The following SH2D2A variants were observed in gnomAD, a reference collection of about 807,000 sequenced individuals.
SH2D2A encodes SH2 domain-containing protein 2A.
In SH2D2A, 33 loss-of-function variants were observed where a neutral mutation model predicts 43.6. The observed-to-expected ratio is 0.76, with a 90% CI of 0.57 to 1.01. The LOEUF (loss-of-function observed/expected upper bound fraction) is 1.01. Ranked by LOEUF, SH2D2A falls within the 50% of genes least tolerant of loss-of-function variation. The pLI is 0.00. For synonymous variants in SH2D2A, 212 were observed against 206.1 expected (o/e 1.03, Z -0.25); for missense variants, 491 against 503.1 (o/e 0.98, Z 0.23).
Position 156,808,805 on chromosome 1 carries a change from C to G in SH2D2A, c.1002+398G>C, listed in dbSNP as rs562426831. Among the ~76,000 whole-genome samples the G allele has an allele frequency of 2.0e-5, 3 of 152,252 alleles. No individual in the cohort carries two copies. The East Asian group carries it at 5.8e-4, about 29-fold the overall frequency. The stretch of plus-strand genomic sequence containing the variant: ...CTCTTTTTCTCCAGGACAGCAGGGC[C>G]GTGAAGGCCAAGGGAGAGAGCCAGA... On this transcript the variant is annotated intron_variant, in intron 7 of 8. Transcript: ENST00000368199.
In SH2D2A at chr1:156,809,820, AAGG is replaced by A. The variant is rs1335752474; in HGVS notation, c.568-16_568-14del. 6.2e-7 allele frequency: 1 copy of A among 1,613,370 alleles called. No homozygotes were observed. The highest frequency in any genetic ancestry group is 1.1e-5 in the South Asian group (1 of 91,006). ...CAGGCTCAGGAGTCTGCTGGGAAAG[AAGG>A]AGGTCTGAGGCACTCGGTGGAGCGT... On this transcript the variant is annotated splice_polypyrimidine_tract_variant and intron_variant, in intron 5 of 8. Coordinates refer to ENST00000368199, the MANE Select transcript of SH2D2A (RefSeq NM_003975.4). The surrounding 1 kb of genome is among the most constrained non-coding windows in gnomAD (Gnocchi z 4.8).
rs374787234 is a variant in SH2D2A at position 156,809,720 on chromosome 1, T to C, written c.655A>G (p.Ile219Val). 3.1e-5 allele frequency: 50 copies of C among 1,613,696 alleles called. No homozygotes were observed. The highest frequency in any genetic ancestry group is 3.6e-5 in the Non-Finnish European group (43 of 1,179,920). The change falls in exon 6 of 9, where the codon ATC (isoleucine) becomes GTC (valine). Residue 219 changes from isoleucine to valine, a missense_variant. Coordinates refer to ENST00000368199, the MANE Select transcript of SH2D2A (RefSeq NM_003975.4). The surrounding 1 kb of genome is among the most constrained non-coding windows in gnomAD (Gnocchi z 4.8). The stretch of plus-strand genomic sequence containing the variant: ...ACTGGGGCTTGCCCCTGTTTGATGA[T>C]TGGGCTGTACTGGGGGTTTGGGTCC... Reference protein sequence around the residue: ...SQDPNPQYSPIIKQGQAPVPM... With the variant: ...SQDPNPQYSPVIKQGQAPVPM...
rs1653990875 is a variant in SH2D2A at position 156,816,787 on chromosome 1, A to C, written c.-79T>G. 7.5e-7 allele frequency: 1 copy of C among 1,339,460 alleles called. No homozygotes were observed. Among genetic ancestry groups the C allele is most frequent in the African/African-American group, 1.5e-5 (1 of 66,440 alleles). 83.0% of individuals were successfully genotyped at this position (1,339,460 alleles called of 1,614,324 possible). A position where few individuals can be genotyped will look rare whatever the true frequency, so the allele number is the denominator to read the frequency against. On this transcript the variant is annotated 5_prime_UTR_variant, in exon 1 of 9. An upstream start codon of the reference 5' UTR is lost. Transcript: ENST00000368199. Reference sequence around the variant, plus strand: ...AGGTGTGCACACTCAGCAACTCATCATCTCTCCTCTCACCCTGGCCCCGGG... The same window carrying C: ...AGGTGTGCACACTCAGCAACTCATCCTCTCTCCTCTCACCCTGGCCCCGGG...
chr1:156,814,832 C>A, intron 3 of SH2D2A: 2 of 451,048 alleles, frequency 4.4e-6, no homozygotes, highest in East Asian at 6.9e-5. Flanking sequence ...GAGGGCTGGA[C>A]TGGAGCCTCT....
intron 5 of SH2D2A, among the ~76,000 whole-genome samples, chr1:156,811,634 C>T (rs1051539178): frequency 7.9e-5 from 12 of 152,214 alleles, no homozygotes; most frequent in Non-Finnish European, 1.5e-4. Flanking sequence ...CTCTTCTTGT[C>T]TAGGTCACCA....
At chr1:156,816,140 T>C (rs1377624612) in intron 1 of SH2D2A, 46 bp from the exon 2 acceptor site, 1 of 1,568,630 alleles carries the variant, frequency 6.4e-7, no homozygotes, top group South Asian at 1.2e-5. Context: ...AGAGGAACTA[T>C]GTCTGTCTCT....
chr1:156,809,253 C>G lies in SH2D2A; in HGVS notation c.952G>C (p.Gly318Arg). The change falls in exon 7 of 9, where the codon GGG (glycine) becomes CGG (arginine). Residue 318 changes from glycine (G) to arginine (R), a missense_variant. By Grantham distance (125) the Gly-to-Arg change is moderately radical (BLOSUM62 -2). Coordinates refer to ENST00000368199, the MANE Select transcript of SH2D2A (RefSeq NM_003975.4). This position sits in a 1 kb window ranked among gnomAD's most constrained non-coding sequence, Gnocchi z 4.8. ...VEDEGLPATL[G>R]HPVLRKSWSR... The stretch of plus-strand genomic sequence containing the variant: ...CAGCTCTTCCGTAGGACAGGGTGCC[C>G]AAGGGTGGCGGGTAGGCCCTCATCT... 1 of 1,613,996 alleles carries G rather than the reference C, an allele frequency of 6.2e-7. No homozygotes were observed. The highest frequency in any genetic ancestry group is 8.5e-7 in the Non-Finnish European group (1 of 1,179,916).
chr1:156,816,115 G>A, intron 1 of SH2D2A, 21 bp from the exon 2 acceptor site: 1 of 1,603,332 alleles, frequency 6.2e-7, no homozygotes, highest in Admixed American at 1.7e-5. Flanking sequence ...AAAGAGGGCT[G>A]CCGGGGTTTC....
Position 156,815,494 on chromosome 1 carries a change from G to T in SH2D2A, c.124-273C>A, listed in dbSNP as rs896788698. 3 of 592,442 alleles carry T rather than the reference G, an allele frequency of 5.1e-6. No homozygotes were observed. The South Asian group carries it at 6.2e-5, about 12-fold the overall frequency. The allele number at this position is 592,442 out of a possible 1,614,324, so 36.7% of individuals were successfully genotyped here. On this transcript the variant is annotated intron_variant, in intron 2 of 8. Transcript: ENST00000368199. ...AGCTGTCACACTGTGCTCTAGGAGGGGCGGGAAAGGCAGCACAGCCTTCCA... is the reference window on the plus strand; with the variant it reads ...AGCTGTCACACTGTGCTCTAGGAGGTGCGGGAAAGGCAGCACAGCCTTCCA...
Position 156,809,732 on chromosome 1 carries a change from G to T in SH2D2A, c.643C>A (p.Gln215Lys). The change falls in exon 6 of 9, where the codon CAG becomes AAG. Residue 215 changes from glutamine (Q) to lysine (K), a missense_variant. Coordinates refer to ENST00000368199, the MANE Select transcript of SH2D2A (RefSeq NM_003975.4). The surrounding 1 kb of genome is among the most constrained non-coding windows in gnomAD (Gnocchi z 4.8). ...FGSKSQDPNP[Q>K]YSPIIKQGQA... ...CCCTGTTTGATGATTGGGCTGTACT[G>T]GGGGTTTGGGTCCTGGCTTTTGCTT... The T allele has an allele frequency of 6.2e-7, 1 of 1,614,014 alleles. No individual in the cohort carries two copies. Among genetic ancestry groups the T allele is most frequent in the Non-Finnish European group, 8.5e-7 (1 of 1,179,964 alleles).
At position 156,809,618 on chromosome 1, in the gene SH2D2A, G is replaced by C; in HGVS notation, c.714+43C>G. Reference sequence around the variant, plus strand: ...TCCTCCCCGCTGCCTGCACCCCCTCGCAGGCCTGTCCTCCCACTCCCTCAG... The same window carrying C: ...TCCTCCCCGCTGCCTGCACCCCCTCCCAGGCCTGTCCTCCCACTCCCTCAG... On this transcript the variant is annotated intron_variant, in intron 6 of 8. Coordinates refer to ENST00000368199, the MANE Select transcript of SH2D2A (RefSeq NM_003975.4). This position sits in a 1 kb window ranked among gnomAD's most constrained non-coding sequence, Gnocchi z 4.8. 1.9e-6 allele frequency: 3 copies of C among 1,579,244 alleles called. No individual in the cohort carries two copies. Among genetic ancestry groups the C allele is most frequent in the Middle Eastern group, 1.9e-4 (1 of 5,278 alleles).
At position 156,813,744 on chromosome 1, in the gene SH2D2A, C is replaced by T. The variant is rs1571619683; in HGVS notation, c.567+104G>A. 3.5e-6 allele frequency: 4 copies of T among 1,139,234 alleles called. No homozygotes were observed. In the Admixed American group the frequency reaches 1.5e-4, roughly 42 times the overall value. 70.6% of individuals were successfully genotyped at this position (1,139,234 alleles called of 1,614,324 possible). A position where few individuals can be genotyped will look rare whatever the true frequency, so the allele number is the denominator to read the frequency against. ...AGGGAGGCATGCCCGAGTGGTGTTT[C>T]GGGATGAGAAAGTGCCTGGTGCCGC... On this transcript the variant is annotated intron_variant, in intron 5 of 8. Coordinates refer to ENST00000368199, the MANE Select transcript of SH2D2A (RefSeq NM_003975.4).
intron 5 of SH2D2A, among the ~76,000 whole-genome samples, chr1:156,811,907 G>T (rs2102804003): frequency 6.6e-6 from 1 of 152,178 alleles, no homozygotes; most frequent in Middle Eastern, 3.4e-3. Flanking sequence ...GTCCATCTAA[G>T]TGCTGGTGAC....
chr1:156,809,125 T>C lies in SH2D2A; in HGVS notation c.1002+78A>G. On this transcript the variant is annotated intron_variant, in intron 7 of 8. Coordinates refer to ENST00000368199, the MANE Select transcript of SH2D2A (RefSeq NM_003975.4). This position sits in a 1 kb window ranked among gnomAD's most constrained non-coding sequence, Gnocchi z 4.8. ...CTTACCCTGCCCCAGGCATCCACTC[T>C]GAACACCTTCTTCACCTTCCCCCAT... 1.4e-6 allele frequency: 2 copies of C among 1,471,952 alleles called. No homozygotes were observed. The highest frequency in any genetic ancestry group is 1.3e-5 in the South Asian group (1 of 76,746). 91.2% of individuals were successfully genotyped at this position (1,471,952 alleles called of 1,614,324 possible).
In SH2D2A at chr1:156,815,043, G is replaced by T; in HGVS notation, c.302C>A (p.Thr101Asn). ...AAPAWFHGFI[T>N]RREAERLLEP... Reference sequence around the variant, plus strand: ...TTCCTCCTCCATGACTCACCTCCGGGTGATGAAGCCATGGAACCAGGCAGG... The same window carrying T: ...TTCCTCCTCCATGACTCACCTCCGGTTGATGAAGCCATGGAACCAGGCAGG... The change falls in exon 3 of 9, where the codon ACC becomes AAC. Residue 101 changes from threonine (T) to asparagine (N), a missense_variant. Physicochemically the swap from Thr to Asn is moderately conservative, Grantham distance 65. Coordinates refer to ENST00000368199, the MANE Select transcript of SH2D2A (RefSeq NM_003975.4). 6.4e-7 allele frequency: 1 copy of T among 1,551,844 alleles called. No homozygotes were observed.
intron 1 of SH2D2A, among the ~76,000 whole-genome samples, 174 bp downstream of exon 1, chr1:156,816,501 A>C (rs1653948860): frequency 6.6e-6 from 1 of 152,214 alleles, no homozygotes; most frequent in Non-Finnish European, 1.5e-5. Context: ...CTCAGGGATG[A>C]GTGGGCATGG....
Position 156,807,225 on chromosome 1 carries a change from G to A in SH2D2A, c.1123C>T (p.Leu375Phe), listed in dbSNP as rs200276932. The A allele has an allele frequency of 1.4e-6, 2 of 1,384,578 alleles. No homozygotes were observed. The highest frequency in any genetic ancestry group is 1.9e-6 in the Non-Finnish European group (2 of 1,037,814). 85.8% of individuals were successfully genotyped at this position (1,384,578 alleles called of 1,614,324 possible). Residue 375 changes from leucine to phenylalanine, a missense_variant, in exon 8 of 9, where the codon CTT (leucine) becomes TTT (phenylalanine). Coordinates refer to ENST00000368199, the MANE Select transcript of SH2D2A (RefSeq NM_003975.4). This position sits in a 1 kb window ranked among gnomAD's most constrained non-coding sequence, Gnocchi z 5.1. ...AGCCATGCCTGTCCTCTGTCCTGAA[G>A]CACCTGTCTAGAAAGATTGTGGGGG... is the stretch of plus-strand genomic sequence containing the variant. ...TLPHNLSRQV[L>F]QDRGQAWLPL...
rs762870685 is a variant in SH2D2A, at chr1:156,809,166, C to A, written c.1002+37G>T. 5 of 1,560,768 alleles carry A rather than the reference C, an allele frequency of 3.2e-6. No individual in the cohort carries two copies. In the South Asian group the frequency reaches 4.9e-5, roughly 15 times the overall value. On this transcript the variant is annotated intron_variant, in intron 7 of 8. Transcript: ENST00000368199. The surrounding 1 kb of genome is among the most constrained non-coding windows in gnomAD (Gnocchi z 4.8). Reference sequence around the variant, plus strand: ...CTTCCCCCATCTACCTGCAGGGAGACCTTCTTGCACCTACCTTTCCCTGCA... The same window carrying A: ...CTTCCCCCATCTACCTGCAGGGAGAACTTCTTGCACCTACCTTTCCCTGCA...
intron 3 of SH2D2A, chr1:156,814,789 A>C: frequency 2.3e-6 from 1 of 432,090 alleles, no homozygotes; most frequent in East Asian, 3.5e-5. Flanking sequence ...CAGGAGGATA[A>C]TGGGGCCTAG....
Sources: allele counts gnomAD v4.1 joint callset (sites outside exome capture counted in the v4.1 genomes callset), GRCh38; gene constraint gnomAD v4.1.1; non-coding constraint Gnocchi (gnomAD v3.1); transcripts MANE v1.5; gene names NCBI Gene and HGNC (gene_info 2026-07-23, HGNC 2026-07-21).